Variants in RNF150 observed in about 807,000 individuals in gnomAD.
RNF150 encodes ring finger protein 150.
RNF150 carries 24 observed loss-of-function variants against 39.3 expected under a neutral mutation model. The ratio of observed to expected loss-of-function variants is 0.61; its 90% confidence interval spans 0.44 to 0.86. RNF150 has a LOEUF of 0.86. Among genes scored for constraint, RNF150 ranks in the 40% least tolerant of loss-of-function variants. RNF150 has a pLI of 0.00. For missense variants in RNF150, 502 were observed against 587.8 expected (o/e 0.85, Z 1.51); for synonymous variants, 255 against 227.3 (o/e 1.12, Z -1.10).
upstream of RNF150, among the ~76,000 whole-genome samples, chr4:141,134,459 A>T (rs1036339632): frequency 6.6e-6 from 1 of 152,144 alleles, no homozygotes; most frequent in Non-Finnish European, 1.5e-5. Flanking sequence ...CCCATTCATG[A>T]TTTAAATTTA....
chr4:141,176,403 G>T (rs191393045), intron 1 of RNF150, among the ~76,000 whole-genome samples: 1 of 152,286 alleles, frequency 6.6e-6, no homozygotes, highest in East Asian at 1.9e-4. Context: ...TTGGTCCCTT[G>T]CAAAAGATGA....
At chr4:140,919,848 A>G (rs1411784981) in intron 5 of RNF150, among the ~76,000 whole-genome samples, 1 of 152,186 alleles carries the variant, frequency 6.6e-6, no homozygotes, top group Non-Finnish European at 1.5e-5. Context: ...GATATAGATC[A>G]ATGGAACAGA....
At chr4:141,097,078 T>C (rs1738815938) in intron 1 of RNF150, among the ~76,000 whole-genome samples, 1 of 152,140 alleles carries the variant, frequency 6.6e-6, no homozygotes, top group East Asian at 1.9e-4. Context: ...CTTCATGTGG[T>C]TTTATAAGAG....
At chr4:141,136,088 T>C (rs137914078), upstream of RNF150, among the ~76,000 whole-genome samples, 474 of 152,240 alleles carry the variant, frequency 3.1e-3, 1 homozygote, top group African/African-American at 0.01. Context: ...GAAGAACTGA[T>C]CCAAATTGAA....
chr4:141,048,195 C>T (rs915511431), intron 1 of RNF150, among the ~76,000 whole-genome samples: 1 of 152,166 alleles, frequency 6.6e-6, no homozygotes, highest in Non-Finnish European at 1.5e-5. Flanking sequence ...CAGTAAAATA[C>T]TGTTTGCTGT....
chr4:141,149,639 T>C (rs1727264296), intron 1 of RNF150, among the ~76,000 whole-genome samples: 1 of 152,240 alleles, frequency 6.6e-6, no homozygotes, highest in South Asian at 2.1e-4. Context: ...ACTCACTGAT[T>C]GATGGGCATT....
chr4:141,044,771 G>GCACACACACA (rs71584391), intron 1 of RNF150, among the ~76,000 whole-genome samples: 255 of 146,642 alleles, frequency 1.7e-3, no homozygotes, highest in African/African-American at 2.9e-3. Flanking sequence ...GGTGTGCAGC[G>GCACACACACA]CACACACACA....
At position 140,973,625 on chromosome 4, in the gene RNF150, C is replaced by A. The variant is rs528792382; in HGVS notation, c.485-5752G>T. The stretch of plus-strand genomic sequence containing the variant: ...GGCATGGTGGCTCATGCCTGTAATC[C>A]CAGCACTTTGGGAGGCTGAGGTGGG... On this transcript the variant is annotated intron_variant, in intron 1 of 6. Transcript: ENST00000515673. 3.9e-5 allele frequency among the ~76,000 whole-genome samples: 6 copies of A among 151,984 alleles called. No individual in the cohort carries two copies. The South Asian group carries it at 1.2e-3, about 32-fold the overall frequency.
rs373411688 is a variant in RNF150, at chr4:141,178,644, G to A, written c.-6+34150C>T. Among the ~76,000 whole-genome samples, 35 of 152,186 alleles carry A rather than the reference G, an allele frequency of 2.3e-4. No homozygotes were observed. The South Asian group carries it at 7.3e-3, about 32-fold the overall frequency. On this transcript the variant is annotated intron_variant, in intron 1 of 7. Transcript: ENST00000420921. ...AAGACAAGTTCCTTAGGGTTAGTGG[G>A]GGAGCGGGAGGTGGGTAGGATGGAG...
At position 140,949,295 on chromosome 4, in the gene RNF150, T is replaced by A; in HGVS notation, c.807+6A>T. On this transcript the variant is annotated splice_donor_region_variant and intron_variant, in intron 3 of 6. Transcript: ENST00000515673. ...CCTCACCAAAAAGAAAAGAGGCTGC[T>A]ATTACCTTGTCACCCTTCTTGATGG... The A allele has an allele frequency of 6.2e-7, 1 of 1,608,326 alleles. No individual in the cohort carries two copies. Among genetic ancestry groups the A allele is most frequent in the Non-Finnish European group, 8.5e-7 (1 of 1,176,296 alleles).
At chr4:140,942,916 C>T (rs548108280) in intron 4 of RNF150, among the ~76,000 whole-genome samples, 2 of 152,246 alleles carry the variant, frequency 1.3e-5, no homozygotes, top group African/African-American at 4.8e-5. Context: ...GACATGCTGC[C>T]CCTACGCGCC....
chr4:141,198,513 G>T (rs974018387), intron 1 of RNF150, among the ~76,000 whole-genome samples: 3 of 152,192 alleles, frequency 2.0e-5, no homozygotes, highest in Non-Finnish European at 4.4e-5. Context: ...TGACCTAAAA[G>T]GTGAACATAT....
chr4:141,113,158 A>G (rs1303158108), intron 1 of RNF150, among the ~76,000 whole-genome samples: 7 of 151,928 alleles, frequency 4.6e-5, no homozygotes, highest in Admixed American at 3.9e-4. Context: ...GCTTCCTTGC[A>G]TTGGGTTAGA....
chr4:140,925,916 C>T (rs2111321188), intron 5 of RNF150, 61 bp downstream of exon 5: 2 of 1,195,418 alleles, frequency 1.7e-6, no homozygotes, highest in Admixed American at 1.7e-5. Flanking sequence ...TGTTTTCTCC[C>T]TGCTTTGAGG....
At chr4:141,175,815 C>T (rs1727799622) in intron 1 of RNF150, among the ~76,000 whole-genome samples, 1 of 152,174 alleles carries the variant, frequency 6.6e-6, no homozygotes. Context: ...TTGCTGGATG[C>T]AGATTGCTAA....
At chr4:141,203,758 G>C (rs891367115) in intron 1 of RNF150, among the ~76,000 whole-genome samples, 1 of 151,986 alleles carries the variant, frequency 6.6e-6, no homozygotes, top group African/African-American at 2.4e-5. Flanking sequence ...GAGAAGGAAA[G>C]GCATGGGTTT....
chr4:141,059,591 A>C (rs1737131543), intron 1 of RNF150, among the ~76,000 whole-genome samples: 1 of 152,082 alleles, frequency 6.6e-6, no homozygotes, highest in Admixed American at 6.6e-5. Flanking sequence ...TCCTAACATT[A>C]AAAACCTTGT....
rs1483267515 is a variant in RNF150, at chr4:140,868,292, G to T, written c.1286C>A (p.Thr429Asn). Residue 429 changes from threonine (T) to asparagine (N), a missense_variant, in exon 7 of 7, where the codon ACT becomes AAT. By Grantham distance (65) the Thr-to-Asn change is moderately conservative. Transcript: ENST00000515673. ...TTTCACTTCTTCACAGTCCTGGTCA[G>T]TGGAAAGTTCTACATCAGACAGTCC... ...EVGLSDVELSTDQDCEEVKS is the reference protein window; with the variant it reads ...EVGLSDVELSNDQDCEEVKS The T allele has an allele frequency of 6.2e-7, 1 of 1,606,928 alleles. No individual in the cohort carries two copies. The highest frequency in any genetic ancestry group is 8.5e-7 in the Non-Finnish European group (1 of 1,173,446).
At position 140,947,738 on chromosome 4, in the gene RNF150, T is replaced by C; in HGVS notation, c.808-2A>G. Reference sequence around the variant, plus strand: ...GTTGTCAAAATCAGACTCTGTTTCCTGCAACAGAGGAAGCACAGATGAGCC... The same window carrying C: ...GTTGTCAAAATCAGACTCTGTTTCCCGCAACAGAGGAAGCACAGATGAGCC... On this transcript the variant is annotated splice_acceptor_variant, in intron 3 of 6. Transcript: ENST00000515673. LOFTEE classifies it high-confidence loss of function. 6.3e-7 allele frequency: 1 copy of C among 1,582,466 alleles called. No homozygotes were observed. Among genetic ancestry groups the C allele is most frequent in the Non-Finnish European group, 8.6e-7 (1 of 1,162,518 alleles).
Sources: gnomAD v4.1 joint callset for allele counts (sites outside exome capture counted in the v4.1 genomes callset) on GRCh38, gnomAD v4.1.1 for gene constraint, MANE v1.5 for transcripts, NCBI Gene and HGNC (gene_info 2026-07-23, HGNC 2026-07-21) for gene names.